Variants in PAX3 observed in about 807,000 individuals in gnomAD.
PAX3 encodes paired box protein Pax-3.
In PAX3, 14 loss-of-function variants were observed where a neutral mutation model predicts 51.6. The ratio of observed to expected loss-of-function variants is 0.27; its 90% CI spans 0.18 to 0.42. PAX3 has a LOEUF of 0.42. Ranked by LOEUF, PAX3 falls within the 10% of genes least tolerant of loss-of-function variation. PAX3 has a pLI of 1.00. For synonymous variants in PAX3, 280 were observed against 253.4 expected, an observed-to-expected ratio of 1.11 and a Z score of -1.00; for missense variants, 540 against 642.8, an observed-to-expected ratio of 0.84 and a Z score of 1.73.
intron 4 of PAX3, among the ~76,000 whole-genome samples, chr2:222,290,656 G>C (rs1009939213): frequency 6.6e-6 from 1 of 152,170 alleles, no homozygotes; most frequent in African/African-American, 2.4e-5. Context: ...ATTTAAGCGA[G>C]AGTCTTGCAG....
intron 7 of PAX3, among the ~76,000 whole-genome samples, chr2:222,204,569 G>A (rs573757143): frequency 6.6e-5 from 10 of 152,168 alleles, no homozygotes; most frequent in African/African-American, 2.2e-4. Context: ...GTACATTTTC[G>A]TGTGTGATCC....
chr2:222,292,646 G>C (rs1651570675), intron 4 of PAX3, among the ~76,000 whole-genome samples: 1 of 152,178 alleles, frequency 6.6e-6, no homozygotes, highest in South Asian at 2.1e-4. Context: ...CATTTGGTTT[G>C]GGGTTGTCTG....
At chr2:222,215,460 C>G in intron 7 of PAX3, among the ~76,000 whole-genome samples, 1 of 151,890 alleles carries the variant, frequency 6.6e-6, no homozygotes, top group East Asian at 1.9e-4. Context: ...GAAACTGTTA[C>G]CAAAGAACTG....
chr2:222,294,052 G>T lies in PAX3; in HGVS notation c.586+115C>A, dbSNP rs187575690. The stretch of plus-strand genomic sequence containing the variant: ...CGTTACTCAGGCGCAGAGACACCGC[G>T]CATGAAGGGACCTTGATCCGAGCTG... On this transcript the variant is annotated intron_variant, in intron 4 of 8. Coordinates refer to ENST00000392070, the MANE Select transcript of PAX3 (RefSeq NM_181458.4). The T allele has an allele frequency of 8.9e-4, 1,396 of 1,573,786 alleles. 8 individuals are homozygous for T. The highest frequency in any genetic ancestry group is 5.5e-3 in the South Asian group (460 of 83,984).
intron 5 of PAX3, among the ~76,000 whole-genome samples, chr2:222,223,450 G>C (rs940925527): frequency 6.6e-6 from 1 of 152,124 alleles, no homozygotes; most frequent in African/African-American, 2.4e-5. Flanking sequence ...TCACTGCCCC[G>C]GTCTGAGTGC....
chr2:222,291,663 A>C lies in PAX3; in HGVS notation c.586+2504T>G, dbSNP rs528929637. Among the ~76,000 whole-genome samples the C allele has an allele frequency of 3.3e-5, 5 of 152,056 alleles. No homozygotes were observed. The South Asian group carries it at 1.0e-3, about 32-fold the overall frequency. ...ACTAACTGGAAAAGGGCAAGAATAC[A>C]CCACACTGGTCAGGGGACCCCAAAG... On this transcript the variant is annotated intron_variant, in intron 4 of 8. Transcript: ENST00000392070.
At chr2:222,275,602 T>C (rs1694391647) in intron 4 of PAX3, among the ~76,000 whole-genome samples, 1 of 151,736 alleles carries the variant, frequency 6.6e-6, no homozygotes, top group Non-Finnish European at 1.5e-5. Context: ...GAAATAATTT[T>C]CCTCCACAAA....
chr2:222,211,416 A>G (rs1007190371), intron 7 of PAX3, among the ~76,000 whole-genome samples: 1 of 152,152 alleles, frequency 6.6e-6, no homozygotes, highest in African/African-American at 2.4e-5. Flanking sequence ...CCACACTGCA[A>G]TCACTTCATT....
Position 222,258,611 on chromosome 2 carries a change from A to G in PAX3, c.587-26328T>C, listed in dbSNP as rs367567340. Among the ~76,000 whole-genome samples the G allele has an allele frequency of 1.2e-3, 189 of 152,254 alleles. 2 individuals are homozygous for G. The South Asian group carries it at 0.026, about 21-fold the overall frequency. ...TTCTGAAGATGCCTTGTTCCTTTTA[A>G]GAACAACAGCCTCACCCCAGAGTCT... On this transcript the variant is annotated intron_variant, in intron 4 of 8. Transcript: ENST00000392070.
chr2:222,297,802 C>T (rs1337553197), intron 1 of PAX3, among the ~76,000 whole-genome samples: 1 of 152,228 alleles, frequency 6.6e-6, no homozygotes, highest in Non-Finnish European at 1.5e-5. Flanking sequence ...GGCCCCCAGC[C>T]CCCATTCTTG....
intron 2 of PAX3, among the ~76,000 whole-genome samples, chr2:222,296,345 GAC>G (rs1202552996): frequency 2.0e-5 from 3 of 152,344 alleles, no homozygotes; most frequent in Admixed American, 1.3e-4. Flanking sequence ...TAGAAGAAAA[GAC>G]AGACCTTGTG....
chr2:222,291,974 GT>G (rs1559314413), intron 4 of PAX3, among the ~76,000 whole-genome samples: 2 of 51,482 alleles, frequency 3.9e-5, no homozygotes, highest in African/African-American at 2.4e-4. Flanking sequence ...TCCAAGGTGT[GT>G]GTGTGTGTGT....
At chr2:222,278,338 C>T (rs1694505159) in intron 4 of PAX3, among the ~76,000 whole-genome samples, 1 of 152,104 alleles carries the variant, frequency 6.6e-6, no homozygotes. Flanking sequence ...CCTTTGTGCC[C>T]CAGTCCTCTA....
At chr2:222,234,823 G>T (rs1692739818) in intron 4 of PAX3, among the ~76,000 whole-genome samples, 1 of 152,172 alleles carries the variant, frequency 6.6e-6, no homozygotes, top group Admixed American at 6.5e-5. Context: ...TGAACAATGT[G>T]CTCCCTAAGA....
intron 4 of PAX3, chr2:222,233,124 T>C (rs985610950): frequency 1.1e-4 from 14 of 129,782 alleles, no homozygotes; most frequent in Admixed American, 8.4e-4. Flanking sequence ...ATCCCTTTTG[T>C]AAAAAAATAT....
chr2:222,205,550 C>T (rs1691471866), intron 7 of PAX3, among the ~76,000 whole-genome samples: 1 of 152,140 alleles, frequency 6.6e-6, no homozygotes, highest in Non-Finnish European at 1.5e-5. Context: ...ATCGTAATCT[C>T]AAGAATCTTA....
At chr2:222,205,896 A>G (rs1056158010) in intron 7 of PAX3, among the ~76,000 whole-genome samples, 4 of 152,170 alleles carry the variant, frequency 2.6e-5, no homozygotes, top group African/African-American at 9.7e-5. Context: ...TCTGTGCACA[A>G]AGAAGTTGGT....
Position 222,201,841 on chromosome 2 carries a change from G to A in PAX3, c.1420+103C>T, listed in dbSNP as rs544726519. 80 of 1,601,918 alleles carry A rather than the reference G, an allele frequency of 5.0e-5. No individual in the cohort carries two copies. Among genetic ancestry groups the A allele is most frequent in the Admixed American group, 4.2e-4 (25 of 58,928 alleles). On this transcript the variant is annotated intron_variant, in intron 8 of 8. Transcript: ENST00000392070. The stretch of plus-strand genomic sequence containing the variant: ...GCAAAAAAAAAAAAAAATTGATACC[G>A]GCATGTGTGGCTTAATCTTGCCTCT...
At chr2:222,227,092 A>C (rs16863532) in intron 5 of PAX3, among the ~76,000 whole-genome samples, 10,944 of 152,138 alleles carry the variant, frequency 0.072, 638 homozygotes, top group Admixed American at 0.18. Flanking sequence ...CCTGAAGTCC[A>C]AAAGGATTCC....
Sources: allele counts gnomAD v4.1 joint callset (sites outside exome capture counted in the v4.1 genomes callset), GRCh38; gene constraint gnomAD v4.1.1; transcripts MANE v1.5; gene names NCBI Gene and HGNC (gene_info 2026-07-23, HGNC 2026-07-21).